The following ADGRF5 variants were observed in gnomAD, a reference collection of about 807,000 sequenced individuals.
ADGRF5 encodes the protein adhesion G protein-coupled receptor F5.
In ADGRF5, 75 loss-of-function variants were observed where a neutral mutation model predicts 132.3. The observed-to-expected ratio is 0.57, with a 90% confidence interval of 0.47 to 0.69. ADGRF5 has a LOEUF of 0.69. Ranked by LOEUF, ADGRF5 falls within the 30% of genes least tolerant of loss-of-function variation. The pLI is 0.00. For synonymous variants in ADGRF5, 629 were observed against 597.6 expected (o/e 1.05, Z -0.77); for missense variants, 1,516 against 1,630.6 (o/e 0.93, Z 1.21).
intron 11 of ADGRF5, among the ~76,000 whole-genome samples, chr6:46,871,208 T>C (rs1771021674): frequency 6.6e-6 from 1 of 152,206 alleles, no homozygotes; most frequent in South Asian, 2.1e-4. Flanking sequence ...AGTTTGAATG[T>C]CCTCTTTTTA....
intron 1 of ADGRF5, among the ~76,000 whole-genome samples, chr6:46,908,291 T>C (rs1012129469): frequency 2.0e-5 from 3 of 152,226 alleles, no homozygotes; most frequent in Non-Finnish European, 1.5e-5. Flanking sequence ...CTTAATTTTC[T>C]ATTGGAAGTT....
At chr6:46,856,222 T>G (rs868296268) in intron 19 of ADGRF5, among the ~76,000 whole-genome samples, 164 bp from the exon 20 acceptor site, 1 of 152,210 alleles carries the variant, frequency 6.6e-6, no homozygotes, top group Admixed American at 6.5e-5. Flanking sequence ...TCATCTGTAT[T>G]AGAAAAATAA....
intron 9 of ADGRF5, 127 bp from the exon 10 acceptor site, chr6:46,878,532 G>T: frequency 1.5e-6 from 1 of 651,728 alleles, no homozygotes; most frequent in Non-Finnish European, 2.6e-6. Flanking sequence ...TCTGAGACTT[G>T]GTCTAAAGAC....
At chr6:46,938,327 C>A (rs1321916371) in intron 1 of ADGRF5, among the ~76,000 whole-genome samples, 2 of 152,156 alleles carry the variant, frequency 1.3e-5, no homozygotes, top group Non-Finnish European at 2.9e-5. Context: ...TGGTATCTTC[C>A]TCCCACACTC....
intron 1 of ADGRF5, among the ~76,000 whole-genome samples, chr6:46,932,722 G>C (rs913671381): frequency 6.6e-6 from 1 of 152,186 alleles, no homozygotes; most frequent in Non-Finnish European, 1.5e-5. Flanking sequence ...TCATCTGTGT[G>C]GTGAAAATTA....
intron 4 of ADGRF5, 167 bp downstream of exon 4, chr6:46,888,168 T>G: frequency 1.7e-6 from 1 of 580,310 alleles, no homozygotes; most frequent in Non-Finnish European, 3.1e-6. Flanking sequence ...AGTTTACTGA[T>G]AGAGGCTTCA....
chr6:46,908,599 C>G (rs960040376), intron 1 of ADGRF5: 1 of 152,156 alleles, frequency 6.6e-6, no homozygotes, highest in Admixed American at 6.6e-5. Flanking sequence ...GCAAGAATTA[C>G]AATGTTTTCA....
At chr6:46,918,889 C>G (rs1418424732) in intron 1 of ADGRF5, among the ~76,000 whole-genome samples, 1 of 152,208 alleles carries the variant, frequency 6.6e-6, no homozygotes, top group Non-Finnish European at 1.5e-5. Flanking sequence ...GTATCTTACA[C>G]AGCCAAGACT....
chr6:46,925,664 G>A (rs1166444191), upstream of ADGRF5, among the ~76,000 whole-genome samples: 1 of 152,244 alleles, frequency 6.6e-6, no homozygotes, highest in African/African-American at 2.4e-5. Context: ...GGCTGAGGAA[G>A]GAGAATTGCT....
chr6:46,950,130 C>G (rs1778442718), intron 1 of ADGRF5, among the ~76,000 whole-genome samples: 1 of 152,178 alleles, frequency 6.6e-6, no homozygotes, highest in Admixed American at 6.5e-5. Context: ...ACCCGGACTC[C>G]ACCCATTATG....
At position 46,880,029 on chromosome 6, in the gene ADGRF5, AT is replaced by A. The variant is rs1772274738; in HGVS notation, c.824del (p.Asn275IlefsTer55). 3 of 1,613,654 alleles carry A rather than the reference AT, an allele frequency of 1.9e-6. No homozygotes were observed. The highest frequency in any genetic ancestry group is 1.3e-5 in the African/African-American group (1 of 75,038). On this transcript the variant is annotated frameshift_variant, in exon 9 of 21. Transcript: ENST00000283296. LOFTEE classifies it high-confidence loss of function. ...AGATGATTTCTGGTGTGACAAAGAAATTGCTTTCATCTGGAAACCCAAAGAA... is the reference window on the plus strand; with the variant it reads ...AGATGATTTCTGGTGTGACAAAGAAATGCTTTCATCTGGAAACCCAAAGAA... Reference protein sequence around the residue: ...SFQAVTINESNFFVTPEIIFE... With the variant: ...SFQAVTINESXFFVTPEIIFE...
chr6:46,942,967 A>G (rs1375389798), intron 1 of ADGRF5, among the ~76,000 whole-genome samples: 2 of 152,214 alleles, frequency 1.3e-5, no homozygotes, highest in Non-Finnish European at 2.9e-5. Flanking sequence ...TAAATAGGCT[A>G]TAGGCATTGA....
chr6:46,912,786 T>C (rs1314024482), intron 1 of ADGRF5, among the ~76,000 whole-genome samples: 2 of 152,066 alleles, frequency 1.3e-5, no homozygotes, highest in Non-Finnish European at 2.9e-5. Flanking sequence ...CCAGAACACA[T>C]AGCCCTCCTG....
At chr6:46,914,268 T>G (rs1468995810) in intron 1 of ADGRF5, among the ~76,000 whole-genome samples, 1 of 152,200 alleles carries the variant, frequency 6.6e-6, no homozygotes, top group Non-Finnish European at 1.5e-5. Context: ...AAAAAACCCT[T>G]AAGTGTAACT....
chr6:46,863,131 C>T lies in ADGRF5; in HGVS notation c.1991-35G>A, dbSNP rs778364006. On this transcript the variant is annotated intron_variant, in intron 14 of 20. Transcript: ENST00000283296. ...AAACATTGAAATAAAGGGATAATTG[C>T]AAGGAAGAGACAATATAGTAGAAAT... is the stretch of plus-strand genomic sequence containing the variant. 4 of 1,465,868 alleles carry T rather than the reference C, an allele frequency of 2.7e-6. No homozygotes were observed. In the African/African-American group the frequency reaches 5.6e-5, roughly 20 times the overall value. 90.8% of individuals were successfully genotyped at this position (1,465,868 alleles called of 1,614,324 possible).
At chr6:46,868,104 C>T (rs963708643) in intron 12 of ADGRF5, among the ~76,000 whole-genome samples, 9 of 152,168 alleles carry the variant, frequency 5.9e-5, no homozygotes, top group African/African-American at 2.2e-4. Flanking sequence ...AGACATGGGA[C>T]TCACGGAATC....
intron 3 of ADGRF5, among the ~76,000 whole-genome samples, chr6:46,889,944 G>A (rs550342929): frequency 6.6e-5 from 10 of 151,672 alleles, no homozygotes; most frequent in African/African-American, 2.2e-4. Flanking sequence ...AATAAATGAC[G>A]AATCAATTCT....
chr6:46,880,700 G>A (rs1180340563), intron 8 of ADGRF5, among the ~76,000 whole-genome samples: 3 of 152,142 alleles, frequency 2.0e-5, no homozygotes, highest in Non-Finnish European at 4.4e-5. Context: ...CAGCAAGAGA[G>A]AGTTACATTG....
At chr6:46,926,347 G>A (rs530237477), upstream of ADGRF5, among the ~76,000 whole-genome samples, 1 of 152,096 alleles carries the variant, frequency 6.6e-6, no homozygotes, top group Non-Finnish European at 1.5e-5. Context: ...TCCAGCACTT[G>A]TTATGACTCC....
Sources: allele counts gnomAD v4.1 joint callset (sites outside exome capture counted in the v4.1 genomes callset), GRCh38; gene constraint gnomAD v4.1.1; transcripts MANE v1.5; gene names NCBI Gene and HGNC (gene_info 2026-07-23, HGNC 2026-07-21).